NECAB1: variants seen among roughly 807,000 people sequenced by gnomAD.
The protein encoded by NECAB1 is N-terminal EF-hand calcium-binding protein 1.
Under a neutral mutation model 57.5 loss-of-function variants are expected in NECAB1, and 29 were observed. That is an observed-to-expected ratio of 0.50 (90% CI 0.38 to 0.69). The LOEUF (loss-of-function observed/expected upper bound fraction) is 0.69, where lower values mean the gene tolerates loss of function less well. Among genes scored for constraint, NECAB1 ranks in the 30% least tolerant of loss-of-function variants. NECAB1 has a pLI of 0.00. For missense variants in NECAB1, 372 were observed against 413.8 expected (o/e 0.90, Z 0.88); for synonymous variants, 142 against 147.7 (o/e 0.96, Z 0.28).
intron 5 of NECAB1, among the ~76,000 whole-genome samples, 179 bp from the exon 6 acceptor site, chr8:90,917,313 T>C (rs369066046): frequency 6.6e-6 from 1 of 152,220 alleles, no homozygotes; most frequent in East Asian, 1.9e-4. Context: ...ATTCATCTCC[T>C]GGTGGGTGGA....
chr8:90,906,876 CATATAT>C (rs57808023), intron 5 of NECAB1, among the ~76,000 whole-genome samples: 109 of 121,758 alleles, frequency 9.0e-4, no homozygotes, highest in Non-Finnish European at 1.1e-3. Context: ...ATGATATACA[CATATAT>C]ATATATATAT....
At chr8:90,898,272 A>AC (rs1016531891) in intron 5 of NECAB1, among the ~76,000 whole-genome samples, 92 of 151,854 alleles carry the variant, frequency 6.1e-4, no homozygotes, top group Non-Finnish European at 1.2e-3. Context: ...CTCAAGTCTC[A>AC]CCTCCCCTCT....
At chr8:90,871,973 A>G (rs909633940) in intron 3 of NECAB1, among the ~76,000 whole-genome samples, 155 bp from the exon 4 acceptor site, 3 of 152,186 alleles carry the variant, frequency 2.0e-5, no homozygotes, top group Admixed American at 2.0e-4. Flanking sequence ...ACCTAAGACT[A>G]TTTAAATAAT....
chr8:90,882,594 A>C (rs2129883316), intron 5 of NECAB1, among the ~76,000 whole-genome samples: 1 of 152,200 alleles, frequency 6.6e-6, no homozygotes, highest in East Asian at 1.9e-4. Flanking sequence ...GTTGCTCTTC[A>C]AGTCTCATCT....
chr8:90,877,551 A>G (rs1808750107), intron 4 of NECAB1, among the ~76,000 whole-genome samples: 1 of 152,182 alleles, frequency 6.6e-6, no homozygotes, highest in South Asian at 2.1e-4. Context: ...ATAAGCCTAC[A>G]AATCACCTGG....
chr8:90,876,844 G>T (rs1406732690), intron 4 of NECAB1, among the ~76,000 whole-genome samples: 1 of 152,094 alleles, frequency 6.6e-6, no homozygotes, highest in Non-Finnish European at 1.5e-5. Flanking sequence ...GATGAGAATT[G>T]GTTTTCACAC....
At chr8:90,859,331 T>G (rs1161561872) in intron 3 of NECAB1, 1 of 152,156 alleles carries the variant, frequency 6.6e-6, no homozygotes. Flanking sequence ...AAGCTATCCA[T>G]TGAAACAACG....
At chr8:90,868,218 T>C (rs1274316483) in intron 3 of NECAB1, among the ~76,000 whole-genome samples, 1 of 152,228 alleles carries the variant, frequency 6.6e-6, no homozygotes, top group Non-Finnish European at 1.5e-5. Context: ...AAATCTGTTT[T>C]CTTTATAAAT....
chr8:90,810,360 A>G (rs887121195), intron 2 of NECAB1, among the ~76,000 whole-genome samples: 2 of 152,210 alleles, frequency 1.3e-5, no homozygotes, highest in Non-Finnish European at 2.9e-5. Context: ...TTTGCTTAAT[A>G]TTTTGTGAGT....
chr8:90,808,452 C>G (rs1811892285), intron 2 of NECAB1, among the ~76,000 whole-genome samples: 5 of 152,078 alleles, frequency 3.3e-5, no homozygotes, highest in Admixed American at 3.3e-4. Context: ...ATTCCACTTA[C>G]TGTGCAATTT....
chr8:90,952,223 A>G (rs1467819041), intron 12 of NECAB1, among the ~76,000 whole-genome samples: 3 of 147,604 alleles, frequency 2.0e-5, no homozygotes, highest in Admixed American at 2.0e-4. Context: ...CCAGGGAAGA[A>G]AAAAAAAAAA....
chr8:90,848,804 GT>G (rs1377218470), intron 3 of NECAB1, among the ~76,000 whole-genome samples: 1 of 151,980 alleles, frequency 6.6e-6, no homozygotes, highest in Non-Finnish European at 1.5e-5. Context: ...GGCCAACATG[GT>G]GAAACCCTGT....
chr8:90,820,307 A>C (rs939015335), intron 2 of NECAB1, among the ~76,000 whole-genome samples: 1 of 151,968 alleles, frequency 6.6e-6, no homozygotes. Flanking sequence ...TAAAATCAGA[A>C]GAGGTATTTT....
intron 5 of NECAB1, among the ~76,000 whole-genome samples, chr8:90,890,541 G>A (rs896497863): frequency 3.3e-5 from 5 of 152,060 alleles, no homozygotes; most frequent in Non-Finnish European, 7.4e-5. Flanking sequence ...TTTATCTTTA[G>A]AACTAAGCCA....
intron 4 of NECAB1, among the ~76,000 whole-genome samples, chr8:90,873,368 T>C (rs1270115924): frequency 1.3e-5 from 2 of 152,220 alleles, no homozygotes; most frequent in Admixed American, 1.3e-4. Flanking sequence ...AGTAGCATTG[T>C]GCACACATGG....
chr8:90,803,910 C>G (rs1037320777), intron 2 of NECAB1, among the ~76,000 whole-genome samples: 3 of 152,190 alleles, frequency 2.0e-5, no homozygotes, highest in African/African-American at 7.2e-5. Context: ...GAAACCTCCC[C>G]CAGTTCCCTT....
At chr8:90,849,501 T>TC in intron 3 of NECAB1, among the ~76,000 whole-genome samples, 1 of 149,926 alleles carries the variant, frequency 6.7e-6, no homozygotes, top group Non-Finnish European at 1.5e-5. Context: ...TTTTTTTTTT[T>TC]CTGTTTTTGC....
At chr8:90,807,009 A>G (rs981125703) in intron 2 of NECAB1, among the ~76,000 whole-genome samples, 1 of 152,158 alleles carries the variant, frequency 6.6e-6, no homozygotes, top group Admixed American at 6.6e-5. Flanking sequence ...TTTGTTGTAT[A>G]TGCACCTATG....
At chr8:90,846,461 G>C (rs7838907) in intron 3 of NECAB1, among the ~76,000 whole-genome samples, 21,805 of 152,126 alleles carry the variant, frequency 0.14, 2,880 homozygotes, top group African/African-American at 0.35. Context: ...CTTGATCTCT[G>C]TTTAGATAAA....
Sources: gnomAD v4.1 joint callset for allele counts (sites outside exome capture counted in the v4.1 genomes callset) on GRCh38, gnomAD v4.1.1 for gene constraint, MANE v1.5 for transcripts, NCBI Gene and HGNC (gene_info 2026-07-23, HGNC 2026-07-21) for gene names.